Variants in PRDM10 observed in about 807,000 individuals in gnomAD.
The protein encoded by PRDM10 is PR/SET domain 10.
Under a neutral mutation model 133.1 loss-of-function variants are expected in PRDM10, and 65 were observed. The ratio of observed to expected loss-of-function variants is 0.49; its 90% CI spans 0.40 to 0.60. The LOEUF is 0.60. Among genes scored for constraint, PRDM10 ranks in the 20% least tolerant of loss-of-function variants. The pLI, the probability that PRDM10 is intolerant of heterozygous loss-of-function variation, is 0.00. For missense variants in PRDM10, 1,137 were observed against 1,507.1 expected (o/e 0.75, Z 4.07); for synonymous variants, 582 against 580.4 (o/e 1.00, Z -0.04).
chr11:129,914,697 G>T lies in PRDM10; in HGVS notation c.2841+7C>A, dbSNP rs373946342. ...ATAAGGCAAAGGGAAACCAAGGCAC[G>T]CAGTACCGAGGCCACTTGAACCACT... On this transcript the variant is annotated splice_region_variant and intron_variant, in intron 17 of 20. Transcript: ENST00000360871. The T allele has an allele frequency of 6.2e-7, 1 of 1,614,204 alleles. No homozygotes were observed. Among genetic ancestry groups the T allele is most frequent in the South Asian group, 1.1e-5 (1 of 91,080 alleles).
At position 129,903,300 on chromosome 11, in the gene PRDM10, AAATAATAATAAT is replaced by A. The variant is rs55765531; in HGVS notation, c.3268-796_3268-785del. 7.9e-3 allele frequency among the ~76,000 whole-genome samples: 1,091 copies of A among 137,998 alleles called. 12 individuals are homozygous for A. The highest frequency in any genetic ancestry group is 0.02 in the South Asian group (83 of 4,242). 90.5% of individuals were successfully genotyped at this position (137,998 alleles called of 152,430 possible). A position where few individuals can be genotyped will look rare whatever the true frequency, so the allele number is the denominator to read the frequency against. ...GCAACAAGAGCGAAACTCCGTCTCA[AAATAATAATAAT>A]AATAATAATAATAATAATAATAATA... On this transcript the variant is annotated intron_variant, in intron 20 of 20. Coordinates refer to ENST00000360871, the MANE Select transcript of PRDM10 (RefSeq NM_199437.2).
rs1001216491 is a variant in PRDM10, at chr11:129,900,010, A to G, written c.*2303T>C. ...AGGAATTTTACATGATGAAATGTCT[A>G]TTTCTGTCGGTACAAATCAATGATA... On this transcript the variant is annotated 3_prime_UTR_variant, in exon 21 of 21. Coordinates refer to ENST00000360871, the MANE Select transcript of PRDM10 (RefSeq NM_199437.2). 6.6e-6 allele frequency: 1 copy of G among 152,638 alleles called. No homozygotes were observed. Among genetic ancestry groups the G allele is most frequent in the Non-Finnish European group, 1.5e-5 (1 of 68,030 alleles). The allele number at this position is 152,638 out of a possible 1,614,324, so 9.5% of individuals were successfully genotyped here.
At chr11:129,934,282 T>C (rs1353439691) in intron 9 of PRDM10, among the ~76,000 whole-genome samples, 1 of 152,224 alleles carries the variant, frequency 6.6e-6, no homozygotes, top group Admixed American at 6.5e-5. Context: ...AGTGGGCATT[T>C]AATAGAGTGG....
intron 11 of PRDM10, 62 bp downstream of exon 11, chr11:129,930,954 G>GAGCT: frequency 6.5e-7 from 1 of 1,539,714 alleles, no homozygotes. Flanking sequence ...AACCACCAGA[G>GAGCT]AGCTGGTGGT....
At chr11:129,953,826 CAAA>C (rs10542747) in intron 4 of PRDM10, among the ~76,000 whole-genome samples, 11,699 of 73,180 alleles carry the variant, frequency 0.16, 539 homozygotes, top group African/African-American at 0.22. Flanking sequence ...TTTATAGTAG[CAAA>C]AAAAAAAAAA....
chr11:129,936,259 G>A (rs1951025529), intron 8 of PRDM10, among the ~76,000 whole-genome samples: 1 of 151,736 alleles, frequency 6.6e-6, no homozygotes, highest in African/African-American at 2.4e-5. Context: ...CATTTGGCTG[G>A]CCCTAATATA....
At chr11:130,001,109 T>C (rs1434992215) in intron 1 of PRDM10, among the ~76,000 whole-genome samples, 5 of 152,098 alleles carry the variant, frequency 3.3e-5, no homozygotes, top group East Asian at 3.9e-4. Flanking sequence ...GTCTCCTAAA[T>C]AAACCTAGCA....
intron 11 of PRDM10, 98 bp downstream of exon 11, chr11:129,930,918 C>T: frequency 6.8e-7 from 1 of 1,471,800 alleles, no homozygotes; most frequent in South Asian, 1.4e-5. Context: ...TGCAAGATTT[C>T]AGAGAGGAAG....
chr11:129,942,727 A>G, intron 6 of PRDM10, 98 bp from the exon 7 acceptor site: 1 of 1,074,826 alleles, frequency 9.3e-7, no homozygotes, highest in Non-Finnish European at 1.4e-6. Flanking sequence ...TTCTAAAATT[A>G]ACTATACATC....
At chr11:129,904,429 A>C (rs764870251) in intron 20 of PRDM10, among the ~76,000 whole-genome samples, 7 of 152,198 alleles carry the variant, frequency 4.6e-5, no homozygotes, top group Admixed American at 2.6e-4. Flanking sequence ...TTTCAAGTAC[A>C]CAATACATTA....
chr11:129,982,030 G>C (rs1447012409), intron 1 of PRDM10, among the ~76,000 whole-genome samples: 1 of 152,014 alleles, frequency 6.6e-6, no homozygotes, highest in East Asian at 1.9e-4. Flanking sequence ...GGCCGAGGCT[G>C]GTGGATCACT....
In PRDM10 at chr11:129,923,691, AGAGT is replaced by A. The variant is rs1436710510; in HGVS notation, c.1879-292_1879-289del. Among the ~76,000 whole-genome samples the A allele has an allele frequency of 8.3e-4, 119 of 143,432 alleles. 3 individuals are homozygous for A. The highest frequency in any genetic ancestry group is 2.1e-3 in the African/African-American group (80 of 37,374). 94.1% of individuals were successfully genotyped at this position (143,432 alleles called of 152,430 possible). On this transcript the variant is annotated intron_variant, in intron 12 of 20. Transcript: ENST00000360871. The surrounding 1 kb of genome is among the most constrained non-coding windows in gnomAD (Gnocchi z 4.4). ...GAGAGAGAGAGAGAGAGAGAGAGAG[AGAGT>A]GCTTGCTTGGTCAAAGCCCTGATCA...
At chr11:129,997,757 ATTCTTTT>A (rs1251309225) in intron 1 of PRDM10, among the ~76,000 whole-genome samples, 7 of 152,196 alleles carry the variant, frequency 4.6e-5, no homozygotes, top group African/African-American at 1.7e-4. Context: ...ATGTCATTTT[ATTCTTTT>A]AAGTTCAAAT....
intron 7 of PRDM10, among the ~76,000 whole-genome samples, chr11:129,940,529 G>A (rs1310825121): frequency 6.6e-6 from 1 of 151,914 alleles, no homozygotes; most frequent in Non-Finnish European, 1.5e-5. Context: ...TAGTTATTTT[G>A]ACGGTTTTAA....
intron 19 of PRDM10, among the ~76,000 whole-genome samples, chr11:129,909,426 G>T (rs1950115758): frequency 6.6e-6 from 1 of 151,706 alleles, no homozygotes; most frequent in Non-Finnish European, 1.5e-5. Flanking sequence ...CTCCAGCCTG[G>T]GTGACAGAGC....
chr11:129,954,594 A>C (rs1042132204), intron 4 of PRDM10, among the ~76,000 whole-genome samples: 5 of 152,066 alleles, frequency 3.3e-5, no homozygotes, highest in African/African-American at 1.2e-4. Context: ...GAATAATTTA[A>C]TTATTAATCA....
chr11:129,938,546 A>C (rs948161986), intron 7 of PRDM10, among the ~76,000 whole-genome samples: 1 of 152,072 alleles, frequency 6.6e-6, no homozygotes, highest in Non-Finnish European at 1.5e-5. Flanking sequence ...GCATGCCAAG[A>C]CCATTTCTTG....
chr11:129,980,331 C>T (rs1430308077), intron 1 of PRDM10, among the ~76,000 whole-genome samples: 1 of 152,166 alleles, frequency 6.6e-6, no homozygotes, highest in Non-Finnish European at 1.5e-5. Context: ...ACCTTGACCC[C>T]CGGGGCCGCA....
Position 129,914,595 on chromosome 11 carries a change from A to G in PRDM10, c.2841+109T>C, listed in dbSNP as rs191685506. 8.8e-5 allele frequency: 129 copies of G among 1,467,536 alleles called. No homozygotes were observed. The East Asian group carries it at 2.7e-3, about 31-fold the overall frequency. The allele number at this position is 1,467,536 out of a possible 1,614,324, so 90.9% of individuals were successfully genotyped here. ...CAGTTGTAAAATGCCCAAGGCTCAG[A>G]ACTTCCACGCAGAAGGACATTACAT... is the stretch of plus-strand genomic sequence containing the variant. On this transcript the variant is annotated intron_variant, in intron 17 of 20. Coordinates refer to ENST00000360871, the MANE Select transcript of PRDM10 (RefSeq NM_199437.2).
Sources: allele counts gnomAD v4.1 joint callset (sites outside exome capture counted in the v4.1 genomes callset), GRCh38; gene constraint gnomAD v4.1.1; non-coding constraint Gnocchi (gnomAD v3.1); transcripts MANE v1.5; gene names NCBI Gene and HGNC (gene_info 2026-07-23, HGNC 2026-07-21).